Variants in ARNT2 observed in about 807,000 individuals in gnomAD.
The protein encoded by ARNT2 is ARNT protein 2.
Under a neutral mutation model 91.7 loss-of-function variants are expected in ARNT2, and 36 were observed. That is an observed-to-expected ratio of 0.39 (90% confidence interval 0.30 to 0.52). The LOEUF is 0.52. Ranked by LOEUF, ARNT2 falls within the 20% of genes least tolerant of loss-of-function variation. The pLI is 0.72. For synonymous variants in ARNT2, 365 were observed against 347.1 expected (o/e 1.05, Z -0.57); for missense variants, 775 against 939.3 (o/e 0.83, Z 2.29).
chr15:80,466,191 C>T (rs531600613), intron 3 of ARNT2, among the ~76,000 whole-genome samples: 1 of 152,330 alleles, frequency 6.6e-6, no homozygotes, highest in African/African-American at 2.4e-5. Context: ...ATTCTCCTTT[C>T]GTATTCTTTA....
chr15:80,577,996 C>T (rs539820657), intron 15 of ARNT2, among the ~76,000 whole-genome samples: 3 of 152,232 alleles, frequency 2.0e-5, no homozygotes, highest in Non-Finnish European at 2.9e-5. Flanking sequence ...TCACGCTGCT[C>T]TGCTGAGCAA....
At chr15:80,496,060 C>T (rs1044885485) in intron 5 of ARNT2, among the ~76,000 whole-genome samples, 2 of 152,190 alleles carry the variant, frequency 1.3e-5, no homozygotes, top group African/African-American at 4.8e-5. Context: ...CTCTGTGAGC[C>T]ACTTTGCTTA....
chr15:80,518,247 G>GT (rs1344230428), intron 8 of ARNT2, among the ~76,000 whole-genome samples: 3 of 130,624 alleles, frequency 2.3e-5, no homozygotes, highest in African/African-American at 8.5e-5. Context: ...ACTACCTTTG[G>GT]TTTTCCGAAG....
At chr15:80,485,700 G>A (rs1477417883) in intron 5 of ARNT2, among the ~76,000 whole-genome samples, 1 of 152,162 alleles carries the variant, frequency 6.6e-6, no homozygotes, top group African/African-American at 2.4e-5. Context: ...AGGGGATGCT[G>A]ACTCCAAGAC....
intron 12 of ARNT2, among the ~76,000 whole-genome samples, chr15:80,565,998 C>G (rs1478041255): frequency 1.3e-5 from 2 of 152,142 alleles, no homozygotes; most frequent in African/African-American, 2.4e-5. Flanking sequence ...GGGAGAATGA[C>G]AGAACGTACT....
intron 8 of ARNT2, among the ~76,000 whole-genome samples, chr15:80,537,570 C>A (rs191687137): frequency 6.6e-5 from 10 of 152,284 alleles, no homozygotes; most frequent in Admixed American, 2.0e-4. Flanking sequence ...GGAAAATGTC[C>A]ATGATCAATC....
At chr15:80,521,210 A>T (rs1473078081) in intron 8 of ARNT2, among the ~76,000 whole-genome samples, 1 of 152,132 alleles carries the variant, frequency 6.6e-6, no homozygotes, top group Non-Finnish European at 1.5e-5. Context: ...TTTATATTTT[A>T]TTTTCACATT....
intron 5 of ARNT2, among the ~76,000 whole-genome samples, chr15:80,507,176 C>T (rs1162092225): frequency 1.3e-5 from 2 of 152,148 alleles, no homozygotes; most frequent in Non-Finnish European, 2.9e-5. Context: ...TGTTTAAATA[C>T]TGGAGGAAGT....
chr15:80,488,900 G>A (rs1279088292), intron 5 of ARNT2, among the ~76,000 whole-genome samples: 1 of 152,126 alleles, frequency 6.6e-6, no homozygotes. Flanking sequence ...TCCTAATGAA[G>A]TATCTTTTAT....
At chr15:80,518,494 T>C (rs1210276590) in intron 8 of ARNT2, among the ~76,000 whole-genome samples, 1 of 152,042 alleles carries the variant, frequency 6.6e-6, no homozygotes, top group Non-Finnish European at 1.5e-5. Context: ...TTGGCCATGG[T>C]GGTCTCAATC....
chr15:80,574,334 C>G (rs141135058), intron 13 of ARNT2, 114 bp downstream of exon 13: 4 of 1,024,962 alleles, frequency 3.9e-6, no homozygotes, highest in Non-Finnish European at 6.0e-6. Flanking sequence ...CCCATCCCCC[C>G]ACTACAATGG....
At chr15:80,548,376 A>G (rs934102369) in intron 8 of ARNT2, among the ~76,000 whole-genome samples, 2 of 152,222 alleles carry the variant, frequency 1.3e-5, no homozygotes, top group African/African-American at 4.8e-5. Flanking sequence ...GATCAGAAAC[A>G]AGGCAATAAT....
rs4072568 is a variant in ARNT2 at position 80,591,684 on chromosome 15, G to A, written c.2035G>A (p.Gly679Ser). The change falls in exon 18 of 19, where the codon GGT (glycine) becomes AGT (serine). Residue 679 changes from glycine (G) to serine (S), a missense_variant. Around this residue, in one of 5 missense-constraint regions of ARNT2, gnomAD observed 325 missense variants for 359.9 expected, o/e 0.90. Transcript: ENST00000303329. This position sits in a 1 kb window ranked among gnomAD's most constrained non-coding sequence, Gnocchi z 5.1. The part of the protein sequence containing the change: ...SGEQHSHQQP[G>S]QTEVFQDMLP... ...TGAGCAGCACTCCCACCAGCAGCCC[G>A]GTCAGACTGAAGTGTTCCAGGTAAA... is the stretch of plus-strand genomic sequence containing the variant. 290,533 of 1,613,874 alleles carry A rather than the reference G, an allele frequency of 0.18. 28,030 individuals are homozygous for A. Among genetic ancestry groups the A allele is most frequent in the Non-Finnish European group, 0.2 (231,738 of 1,179,872 alleles).
intron 10 of ARNT2, 133 bp from the exon 11 acceptor site, chr15:80,554,932 C>CA: frequency 1.1e-6 from 1 of 922,520 alleles, no homozygotes; most frequent in Non-Finnish European, 1.6e-6. Context: ...CTCACTTTTT[C>CA]AAAAAATCTG....
chr15:80,434,387 A>G (rs1896055633), intron 1 of ARNT2: 1 of 152,250 alleles, frequency 6.6e-6, no homozygotes, highest in Admixed American at 6.5e-5. Flanking sequence ...GGACTTGAGA[A>G]TAACGGAATT....
At chr15:80,445,338 G>A (rs1001583367) in intron 1 of ARNT2, among the ~76,000 whole-genome samples, 2 of 150,344 alleles carry the variant, frequency 1.3e-5, no homozygotes, top group Admixed American at 6.6e-5. Flanking sequence ...TGTGAGTGGT[G>A]TGTTTGTGTG....
At chr15:80,524,862 C>G (rs1333962562) in intron 8 of ARNT2, among the ~76,000 whole-genome samples, 4 of 147,488 alleles carry the variant, frequency 2.7e-5, no homozygotes, top group South Asian at 4.3e-4. Context: ...GCGACAGAGC[C>G]AGACTCTGTC....
chr15:80,532,557 AT>A (rs1366952955), intron 8 of ARNT2, among the ~76,000 whole-genome samples: 16 of 152,210 alleles, frequency 1.1e-4, no homozygotes, highest in Non-Finnish European at 2.9e-5. Context: ...GGACAGATGC[AT>A]GCTTTGCTCC....
chr15:80,510,983 C>T (rs1897332751), intron 6 of ARNT2, among the ~76,000 whole-genome samples: 2 of 152,058 alleles, frequency 1.3e-5, no homozygotes, highest in Admixed American at 1.3e-4. Flanking sequence ...CCTCAAAGAC[C>T]TAAAAAGAGA....
Sources: allele counts gnomAD v4.1 joint callset (sites outside exome capture counted in the v4.1 genomes callset), GRCh38; gene constraint gnomAD v4.1.1; regional missense constraint gnomAD v4.1.1; non-coding constraint Gnocchi (gnomAD v3.1); transcripts MANE v1.5; gene names NCBI Gene and HGNC (gene_info 2026-07-23, HGNC 2026-07-21).